The following HYDIN variants were observed in gnomAD, a reference collection of about 807,000 sequenced individuals.
The protein encoded by HYDIN is axonemal central pair apparatus protein HYDIN.
Under a neutral mutation model 403.9 loss-of-function variants are expected in HYDIN, and 132 were observed. That is an observed-to-expected ratio of 0.33 (90% CI 0.28 to 0.38). The LOEUF is 0.38. Among genes scored for constraint, HYDIN ranks in the 10% least tolerant of loss-of-function variants. The probability of loss-of-function intolerance (pLI) is 1.00; values close to 1 mark genes in which losing one functional copy is unlikely to be tolerated. For missense variants in HYDIN, 2,827 were observed against 5,009.5 expected (o/e 0.56, Z 13.15); for synonymous variants, 1,202 against 1,891.7 (o/e 0.64, Z 9.46).
intron 18 of HYDIN, among the ~76,000 whole-genome samples, chr16:71,040,821 G>C (rs2144194940): frequency 8.9e-6 from 1 of 112,234 alleles, no homozygotes; most frequent in East Asian, 2.2e-4. Flanking sequence ...AGTGTCCCAA[G>C]TGTCATCTGC....
chr16:71,070,711 G>A (rs1338801440), intron 13 of HYDIN, among the ~76,000 whole-genome samples: 1 of 131,606 alleles, frequency 7.6e-6, no homozygotes, highest in Non-Finnish European at 1.5e-5. Flanking sequence ...TATAGACACA[G>A]GAGAACAAAA....
At chr16:71,078,840 T>C (rs1269286711) in intron 13 of HYDIN, among the ~76,000 whole-genome samples, 3 of 152,224 alleles carry the variant, frequency 2.0e-5, no homozygotes, top group Admixed American at 2.0e-4. Context: ...TTTGCTAAGT[T>C]ACGGCAAAAT....
intron 22 of HYDIN, 48 bp downstream of exon 22, chr16:71,020,126 C>T (rs1431268415): frequency 1.3e-6 from 2 of 1,595,138 alleles, no homozygotes; most frequent in Non-Finnish European, 1.7e-6. Flanking sequence ...TTTATCACAC[C>T]CCGCCCCACC....
intron 16 of HYDIN, among the ~76,000 whole-genome samples, chr16:71,063,367 G>C (rs375879697): frequency 6.6e-6 from 1 of 151,608 alleles, no homozygotes; most frequent in Non-Finnish European, 1.5e-5. Flanking sequence ...CCTAGGTTTT[G>C]GTATCTTGTT....
intron 21 of HYDIN, among the ~76,000 whole-genome samples, chr16:71,020,563 C>T (rs1420062240): frequency 6.6e-6 from 1 of 152,134 alleles, no homozygotes; most frequent in African/African-American, 2.4e-5. Context: ...AATCCCAGCA[C>T]TTTGGGAGGC....
At chr16:71,135,975 T>A (rs2084904348) in intron 8 of HYDIN, among the ~76,000 whole-genome samples, 1 of 151,976 alleles carries the variant, frequency 6.6e-6, no homozygotes, top group Admixed American at 6.6e-5. Flanking sequence ...TTTTATCACA[T>A]ACGAACTTGG....
intron 35 of HYDIN, among the ~76,000 whole-genome samples, chr16:70,971,061 T>C (rs1230034345): frequency 6.6e-6 from 1 of 152,214 alleles, no homozygotes; most frequent in East Asian, 1.9e-4. Flanking sequence ...ATCCCTCAAA[T>C]CTTCCAGTGT....
intron 5 of HYDIN, among the ~76,000 whole-genome samples, chr16:71,168,804 C>T (rs1468406110): frequency 1.3e-5 from 2 of 151,996 alleles, no homozygotes; most frequent in Non-Finnish European, 2.9e-5. Flanking sequence ...TCTCATTGGC[C>T]GACACTTACA....
intron 10 of HYDIN, among the ~76,000 whole-genome samples, chr16:71,109,387 T>C (rs2083732916): frequency 1.5e-5 from 2 of 134,634 alleles, no homozygotes; most frequent in Non-Finnish European, 2.9e-5. Context: ...CAAAACGACA[T>C]GAGGAGGAAA....
intron 1 of HYDIN, among the ~76,000 whole-genome samples, chr16:71,207,357 C>T (rs2088353340): frequency 6.6e-6 from 1 of 152,140 alleles, no homozygotes; most frequent in South Asian, 2.1e-4. Context: ...AAATAAGACC[C>T]TTTTCAGACA....
chr16:71,214,906 G>A (rs528479825), intron 1 of HYDIN, among the ~76,000 whole-genome samples: 84 of 152,180 alleles, frequency 5.5e-4, no homozygotes, highest in African/African-American at 1.9e-3. Flanking sequence ...CAACACTCAA[G>A]TCCTAGACTC....
intron 20 of HYDIN, 67 bp from the exon 21 acceptor site, chr16:71,025,593 T>TA (rs1458612892): frequency 9.2e-6 from 1 of 108,232 alleles, no homozygotes; most frequent in Non-Finnish European, 1.8e-5. Flanking sequence ...AATACTTATT[T>TA]ACCCACTGAG....
In HYDIN at chr16:71,043,921, T is replaced by TA. The variant is rs150430951; in HGVS notation, c.2530-12005dup. Among the ~76,000 whole-genome samples the TA allele has an allele frequency of 7.9e-3, 1,114 of 140,802 alleles. 11 individuals are homozygous for TA. Among genetic ancestry groups the TA allele is most frequent in the African/African-American group, 0.024 (896 of 37,966 alleles). 92.4% of individuals were successfully genotyped at this position (140,802 alleles called of 152,430 possible). A position where few individuals can be genotyped will look rare whatever the true frequency, so the allele number is the denominator to read the frequency against. ...CTGGGTAAAATAGTGAGACCTCATC[T>TA]AAAAAAAAAAGAAAGAAAGAAAGAG... On this transcript the variant is annotated intron_variant, in intron 18 of 85. Coordinates refer to ENST00000393567, the MANE Select transcript of HYDIN (RefSeq NM_001270974.2).
chr16:71,138,753 G>C (rs1158410726), intron 7 of HYDIN, among the ~76,000 whole-genome samples: 3 of 152,036 alleles, frequency 2.0e-5, no homozygotes, highest in Non-Finnish European at 2.9e-5. Flanking sequence ...TTAAACCAAA[G>C]AGAAAACCCC....
At chr16:71,110,679 G>T (rs2083796704) in intron 10 of HYDIN, among the ~76,000 whole-genome samples, 2 of 151,362 alleles carry the variant, frequency 1.3e-5, no homozygotes, top group South Asian at 4.2e-4. Flanking sequence ...ACACACACCT[G>T]GGGGAGGTGC....
intron 23 of HYDIN, among the ~76,000 whole-genome samples, chr16:71,001,401 T>TAA (rs111560196): frequency 2.5e-5 from 2 of 79,682 alleles, no homozygotes; most frequent in African/African-American, 1.0e-4. Context: ...AACACAACAA[T>TAA]AAAAAAAAAA....
intron 18 of HYDIN, among the ~76,000 whole-genome samples, chr16:71,048,779 C>T (rs2081535368): frequency 6.6e-6 from 1 of 152,202 alleles, no homozygotes; most frequent in East Asian, 1.9e-4. Context: ...TATTTTATTA[C>T]CTGGGTGACA....
intron 18 of HYDIN, among the ~76,000 whole-genome samples, chr16:71,050,031 TGTGTGTGTGTGTGG>T (rs2144228114): frequency 6.7e-6 from 1 of 149,116 alleles, no homozygotes; most frequent in East Asian, 1.9e-4. Flanking sequence ...GGTTGGGGTG[TGTGTGTGTGTGTGG>T]GTGTGTGTGT....
intron 36 of HYDIN, among the ~76,000 whole-genome samples, chr16:70,965,791 T>C (rs529711439): frequency 4.0e-5 from 6 of 151,498 alleles, no homozygotes; most frequent in African/African-American, 1.5e-4. Flanking sequence ...AATTTTAGAA[T>C]TTACATGGAA....
Sources: gnomAD v4.1 joint callset for allele counts (sites outside exome capture counted in the v4.1 genomes callset) on GRCh38, gnomAD v4.1.1 for gene constraint, MANE v1.5 for transcripts, NCBI Gene and HGNC (gene_info 2026-07-23, HGNC 2026-07-21) for gene names.